Variants in MACF1 observed in about 807,000 individuals in gnomAD.
MACF1 encodes microtubule actin crosslinking factor 1.
MACF1 carries 193 observed loss-of-function variants against 854.8 expected under a neutral mutation model. That is an observed-to-expected ratio of 0.23 (90% CI 0.20 to 0.25). The LOEUF (loss-of-function observed/expected upper bound fraction) is 0.25, where lower values mean the gene tolerates loss of function less well. Among genes scored for constraint, MACF1 ranks in the 10% least tolerant of loss-of-function variants. MACF1 has a pLI of 1.00. For synonymous variants in MACF1, 3,185 were observed against 3,226.7 expected (o/e 0.99, Z 0.44); for missense variants, 7,722 against 8,929.1 (o/e 0.86, Z 5.45).
chr1:39,287,175 G>A (rs1038926528), intron 14 of MACF1, 111 bp from the exon 15 acceptor site: 1 of 1,182,370 alleles, frequency 8.5e-7, no homozygotes, highest in Non-Finnish European at 1.2e-6. Context: ...TGTCTAGGCT[G>A]GCTCATTTTT....
chr1:39,472,306 T>C (rs981031345), intron 97 of MACF1, among the ~76,000 whole-genome samples: 1 of 152,190 alleles, frequency 6.6e-6, no homozygotes, highest in African/African-American at 2.4e-5. Context: ...TACATAAATT[T>C]TGCTTAATCA....
intron 6 of MACF1, among the ~76,000 whole-genome samples, chr1:39,261,928 G>A (rs1272899422): frequency 1.3e-5 from 2 of 152,198 alleles, no homozygotes; most frequent in Non-Finnish European, 2.9e-5. Flanking sequence ...AGCAATGTAT[G>A]TGGTTTCCTG....
At chr1:39,177,969 A>T (rs1029158522) in intron 2 of MACF1, among the ~76,000 whole-genome samples, 1 of 152,096 alleles carries the variant, frequency 6.6e-6, no homozygotes, top group African/African-American at 2.4e-5. Flanking sequence ...AGTTATTTCA[A>T]TCAAGTTGAG....
At chr1:39,250,156 T>C in intron 3 of MACF1, 53 bp downstream of exon 3, 1 of 1,233,564 alleles carries the variant, frequency 8.1e-7, no homozygotes. Flanking sequence ...AAATGACATA[T>C]TGGTCCATCT....
At chr1:39,137,034 T>TG (rs1341661736) in intron 2 of MACF1, among the ~76,000 whole-genome samples, 1 of 152,220 alleles carries the variant, frequency 6.6e-6, no homozygotes, top group Admixed American at 6.5e-5. Context: ...AACTAAAAAT[T>TG]GACTTTTTTC....
chr1:39,412,033 G>A (rs1416632434), intron 58 of MACF1: 1 of 1,614,022 alleles, frequency 6.2e-7, no homozygotes, highest in Admixed American at 1.7e-5. Context: ...CAGACAGCCA[G>A]CTGATCTGGA....
rs1487202556 is a variant in MACF1 at position 39,439,495 on chromosome 1, G to T, written c.18442G>T (p.Ala6148Ser). ...CATCATCAAACAACAGGTTGAAGCT[G>T]CTGAGGTAAGAAGGAAACAAAACCC... is the stretch of plus-strand genomic sequence containing the variant. ...PSIIKQQVEA[A>S]ETIKEETDGL... Residue 6148 changes from alanine (A) to serine (S), a missense_variant, in exon 72 of 101, where the codon GCT (alanine) becomes TCT (serine). Coordinates refer to ENST00000564288, the MANE Select transcript of MACF1 (RefSeq NM_001394062.1). The T allele has an allele frequency of 1.2e-6, 2 of 1,613,354 alleles. No individual in the cohort carries two copies. The highest frequency in any genetic ancestry group is 1.7e-6 in the Non-Finnish European group (2 of 1,179,360).
At chr1:39,245,204 T>C (rs1390429500) in intron 2 of MACF1, among the ~76,000 whole-genome samples, 1 of 152,216 alleles carries the variant, frequency 6.6e-6, no homozygotes, top group Non-Finnish European at 1.5e-5. Context: ...TCAAGTTGCC[T>C]CCTTTGTCTT....
rs773763271 is a variant in MACF1, at chr1:39,176,109, CAA to C, written c.221-55056_221-55055del. Among the ~76,000 whole-genome samples the C allele has an allele frequency of 1.1e-3, 15 of 13,348 alleles. 3 individuals carry two copies. Among genetic ancestry groups the C allele is most frequent in the Admixed American group, 8.9e-3 (4 of 450 alleles). 8.8% of individuals were successfully genotyped at this position (13,348 alleles called of 152,430 possible). ...TGGGCGACAGAGCGAGACTCCTTCT[CAA>C]AAAAAAAAAAAAAAAAGCCAGGTGT... On this transcript the variant is annotated intron_variant, in intron 2 of 93. Coordinates refer to the MACF1 transcript ENST00000361689.
intron 21 of MACF1, among the ~76,000 whole-genome samples, chr1:39,298,297 AT>A (rs1254112713): frequency 6.6e-6 from 1 of 152,152 alleles, no homozygotes; most frequent in Non-Finnish European, 1.5e-5. Flanking sequence ...AGCAATATTA[AT>A]TTTTAAGAAA....
At chr1:39,256,867 C>G (rs1645102512) in intron 5 of MACF1, among the ~76,000 whole-genome samples, 1 of 147,748 alleles carries the variant, frequency 6.8e-6, no homozygotes, top group Admixed American at 6.8e-5. Context: ...TCTCTCTTTT[C>G]TGTCTTTCTC....
In MACF1 at chr1:39,347,201, C is replaced by T. The variant is rs140131690; in HGVS notation, c.10806C>T (p.Ala3602=). ...ATCTTCAACAAATGGAGCAGGAAGCCCTGGTGAAGGTCAGACTGAACCAGC... is the reference window on the plus strand; with the variant it reads ...ATCTTCAACAAATGGAGCAGGAAGCTCTGGTGAAGGTCAGACTGAACCAGC... ...QGHLQQMEQE[A]LVKTLQKQQN... Residue 3602 remains alanine, a synonymous_variant, in exon 41 of 101, where the codon GCC becomes GCT. Transcript: ENST00000564288. 6.2e-7 allele frequency: 1 copy of T among 1,612,292 alleles called. No homozygotes were observed. The highest frequency in any genetic ancestry group is 8.5e-7 in the Non-Finnish European group (1 of 1,178,816).
Position 39,331,765 on chromosome 1 carries a change from A to G in MACF1, c.5177A>G (p.Lys1726Arg), listed in dbSNP as rs367939339. Residue 1726 changes from lysine (K) to arginine (R), a missense_variant, in exon 37 of 101, where the codon AAA becomes AGA. Physicochemically the swap from Lys to Arg is conservative, Grantham distance 26 (BLOSUM62 2). Transcript: ENST00000564288. ...ATTGTCCACCAGGAATCAGGATTCA[A>G]ATTACTGCCTGTCAAACAATTGGCA... ...RCIVHQESGF[K>R]LLPVKQLAGG... The G allele has an allele frequency of 1.9e-6, 3 of 1,614,058 alleles. No individual in the cohort carries two copies. The highest frequency in any genetic ancestry group is 2.5e-6 in the Non-Finnish European group (3 of 1,180,034).
Position 39,340,865 on chromosome 1 carries a change from T to C in MACF1, c.10493T>C (p.Val3498Ala), listed in dbSNP as rs775328319. The stretch of plus-strand genomic sequence containing the variant: ...CGACTTCAAGATCTGAGAGCCTGGG[T>C]TGGCAATAAAAATCTTATTCTGAAC... Reference protein sequence around the residue: ...EGRLQDLRAWVGNKNLILNSK... With the variant: ...EGRLQDLRAWAGNKNLILNSK... Residue 3498 changes from valine (V) to alanine (A), a missense_variant, in exon 40 of 101, where the codon GTT (valine) becomes GCT (alanine). Around this residue, in one of 15 missense-constraint regions of MACF1, gnomAD observed 854 missense variants for 852.6 expected, o/e 1.00. Coordinates refer to ENST00000564288, the MANE Select transcript of MACF1 (RefSeq NM_001394062.1). The C allele has an allele frequency of 6.8e-6, 11 of 1,614,026 alleles. No homozygotes were observed. Among genetic ancestry groups the C allele is most frequent in the Admixed American group, 1.7e-5 (1 of 59,986 alleles).
intron 99 of MACF1, among the ~76,000 whole-genome samples, chr1:39,482,071 A>C (rs965630935): frequency 6.6e-6 from 1 of 152,198 alleles, no homozygotes; most frequent in African/African-American, 2.4e-5. Flanking sequence ...TTAATGATGT[A>C]CAAATTCTCA....
intron 52 of MACF1, chr1:39,372,947 C>G: frequency 4.3e-6 from 1 of 231,894 alleles, no homozygotes; most frequent in Admixed American, 6.0e-5. Flanking sequence ...TGGGCACTGG[C>G]CAGCCACGAA....
chr1:39,243,490 C>T (rs1027823538), intron 2 of MACF1, among the ~76,000 whole-genome samples: 2 of 152,136 alleles, frequency 1.3e-5, no homozygotes, highest in South Asian at 2.1e-4. Flanking sequence ...CAGCTTCAGT[C>T]GGCTGGGCTC....
chr1:39,094,739 G>T (rs1441866844), intron 2 of MACF1, among the ~76,000 whole-genome samples: 2 of 151,422 alleles, frequency 1.3e-5, no homozygotes, highest in African/African-American at 2.4e-5. Context: ...AAGAAAAAAA[G>T]AAATTAGCCA....
At chr1:39,475,241 G>A (rs1432062640) in intron 97 of MACF1, among the ~76,000 whole-genome samples, 1 of 152,174 alleles carries the variant, frequency 6.6e-6, no homozygotes, top group Non-Finnish European at 1.5e-5. Flanking sequence ...TCTGCTATAA[G>A]CAGTGAAACA....
Sources: gnomAD v4.1 joint callset for allele counts (sites outside exome capture counted in the v4.1 genomes callset) on GRCh38, gnomAD v4.1.1 for gene constraint, gnomAD v4.1.1 regional missense constraint, MANE v1.5 for transcripts, NCBI Gene and HGNC (gene_info 2026-07-23, HGNC 2026-07-21) for gene names.